ERBB4: variants seen among roughly 807,000 people sequenced by gnomAD.
ERBB4 encodes erb-b2 receptor tyrosine kinase 4, also known as receptor tyrosine-protein kinase erbB-4.
ERBB4 carries 42 observed loss-of-function variants against 158.0 expected under a neutral mutation model. The observed-to-expected ratio is 0.27, with a 90% CI of 0.21 to 0.34. The LOEUF (loss-of-function observed/expected upper bound fraction) is 0.34. Among genes scored for constraint, ERBB4 ranks in the 10% least tolerant of loss-of-function variants. The probability of loss-of-function intolerance (pLI) is 1.00; values close to 1 mark genes in which losing one functional copy is unlikely to be tolerated. For missense variants in ERBB4, 1,333 were observed against 1,624.1 expected (o/e 0.82, Z 3.08); for synonymous variants, 583 against 558.7 (o/e 1.04, Z -0.61).
intron 5 of ERBB4, among the ~76,000 whole-genome samples, chr2:211,736,891 T>G (rs1236506142): frequency 6.6e-6 from 1 of 152,158 alleles, no homozygotes; most frequent in African/African-American, 2.4e-5. Flanking sequence ...CTATAGATAT[T>G]AAAGCTTTTA....
intron 2 of ERBB4, among the ~76,000 whole-genome samples, chr2:211,973,017 A>G (rs970064830): frequency 2.0e-5 from 3 of 152,006 alleles, no homozygotes; most frequent in Admixed American, 6.6e-5. Flanking sequence ...TGCAAACTCT[A>G]TATCTGACAA....
chr2:212,105,448 T>C (rs1054811758), intron 2 of ERBB4, among the ~76,000 whole-genome samples: 12 of 152,188 alleles, frequency 7.9e-5, no homozygotes, highest in African/African-American at 2.9e-4. Flanking sequence ...TCACTCCCGT[T>C]TTCAAAGGAG....
At chr2:212,447,638 A>G (rs937074054) in intron 1 of ERBB4, among the ~76,000 whole-genome samples, 1 of 152,208 alleles carries the variant, frequency 6.6e-6, no homozygotes, top group Non-Finnish European at 1.5e-5. Context: ...GCACTATGAT[A>G]GAGGTTTAAG....
rs201476901 is a variant in ERBB4 at position 211,382,400 on chromosome 2, CCA to C, written c.*1213_*1214del. 3.4e-3 allele frequency: 784 copies of C among 232,622 alleles called. 20 individuals carry two copies. In the East Asian group the frequency reaches 0.046, roughly 14 times the overall value. 14.4% of individuals were successfully genotyped at this position (232,622 alleles called of 1,614,324 possible). A position where few individuals can be genotyped will look rare whatever the true frequency, so the allele number is the denominator to read the frequency against. On this transcript the variant is annotated 3_prime_UTR_variant, in exon 28 of 28. Coordinates refer to ENST00000342788, the MANE Select transcript of ERBB4 (RefSeq NM_005235.3). ...TCCTAATTTGCTTGGTTTGGCATTT[CCA>C]CAGTCTTTATCTTAGCTCTTTTTTT...
At chr2:211,769,013 G>T (rs1177610319) in intron 4 of ERBB4, among the ~76,000 whole-genome samples, 2 of 152,104 alleles carry the variant, frequency 1.3e-5, no homozygotes, top group African/African-American at 2.4e-5. Flanking sequence ...ATATCTTTGT[G>T]AATGCATAAA....
intron 1 of ERBB4, among the ~76,000 whole-genome samples, chr2:212,244,830 T>C (rs1270112344): frequency 2.0e-5 from 3 of 152,146 alleles, no homozygotes; most frequent in Non-Finnish European, 2.9e-5. Flanking sequence ...CCTTCCTCTA[T>C]AATAATTAAT....
At chr2:211,556,949 T>C (rs2067251608) in intron 20 of ERBB4, among the ~76,000 whole-genome samples, 1 of 151,992 alleles carries the variant, frequency 6.6e-6, no homozygotes, top group South Asian at 2.1e-4. Flanking sequence ...AACCCAGAAA[T>C]AAGGCTGCAT....
chr2:212,345,265 C>CAA lies in ERBB4; in HGVS notation c.82+193182_82+193183dup, dbSNP rs367985477. On this transcript the variant is annotated intron_variant, in intron 1 of 27. Coordinates refer to ENST00000342788, the MANE Select transcript of ERBB4 (RefSeq NM_005235.3). ...TGGGGGACAGAGCAAGACTCCGTCT[C>CAA]AAAAAAAAAAAAGCACTAAACACAT... 1.3e-4 allele frequency among the ~76,000 whole-genome samples: 10 copies of CAA among 77,720 alleles called. 2 individuals are homozygous for CAA. The highest frequency in any genetic ancestry group is 7.7e-4 in the South Asian group (2 of 2,584). The allele number at this position is 77,720 out of a possible 152,430, so 51.0% of individuals were successfully genotyped here.
intron 1 of ERBB4, among the ~76,000 whole-genome samples, chr2:212,437,394 T>A (rs1424334805): frequency 1.3e-5 from 2 of 151,908 alleles, no homozygotes; most frequent in East Asian, 3.9e-4. Context: ...ATGTAGCAAT[T>A]TTTGAGTTCT....
intron 20 of ERBB4, among the ~76,000 whole-genome samples, chr2:211,514,474 A>G (rs1028544909): frequency 6.6e-6 from 1 of 152,142 alleles, no homozygotes; most frequent in Non-Finnish European, 1.5e-5. Flanking sequence ...TTTTGAGTAT[A>G]TTCAGAAAAA....
Position 212,086,778 on chromosome 2 carries a change from A to G in ERBB4, c.234+37974T>C, listed in dbSNP as rs1559472081. Among the ~76,000 whole-genome samples, 3 of 152,096 alleles carry G rather than the reference A, an allele frequency of 2.0e-5. No individual in the cohort carries two copies. The South Asian group carries it at 6.2e-4, about 31-fold the overall frequency. On this transcript the variant is annotated intron_variant, in intron 2 of 27. Transcript: ENST00000342788. ...CGGCTTCCCCTTATCTTCCAAATCC[A>G]GAAACTGTTAGGAGAAGGGAGATCA...
chr2:211,902,169 A>G (rs1016590259), intron 3 of ERBB4, among the ~76,000 whole-genome samples: 6 of 152,134 alleles, frequency 3.9e-5, no homozygotes, highest in African/African-American at 1.4e-4. Context: ...TTCTTTGAGC[A>G]GGGATTACCC....
chr2:211,913,903 A>G (rs941856749), intron 3 of ERBB4, among the ~76,000 whole-genome samples: 1 of 151,814 alleles, frequency 6.6e-6, no homozygotes, highest in Non-Finnish European at 1.5e-5. Context: ...CAAATAAAAC[A>G]ATAGAAAATA....
At chr2:211,679,020 T>A (rs374938698) in intron 13 of ERBB4, 32 bp downstream of exon 13, 86 of 1,478,040 alleles carry the variant, frequency 5.8e-5, no homozygotes, top group Non-Finnish European at 8.0e-5. Context: ...TCAAAGCTCA[T>A]GAGGTGAAGG....
At chr2:211,599,852 T>C (rs2068748072) in intron 19 of ERBB4, among the ~76,000 whole-genome samples, 1 of 152,202 alleles carries the variant, frequency 6.6e-6, no homozygotes, top group Admixed American at 6.5e-5. Flanking sequence ...AAGAAGAATT[T>C]CACTTTTAAC....
intron 1 of ERBB4, chr2:212,125,177 C>A (rs1306732659): frequency 5.5e-6 from 2 of 363,082 alleles, no homozygotes; most frequent in Non-Finnish European, 1.0e-5. Flanking sequence ...TTGTTATGAC[C>A]ATATAAAGCA....
chr2:211,648,259 A>AC (rs1056087329), intron 16 of ERBB4, among the ~76,000 whole-genome samples: 3 of 151,646 alleles, frequency 2.0e-5, no homozygotes, highest in Admixed American at 2.0e-4. Context: ...GTTACTCAGG[A>AC]CAAAAACCCA....
In ERBB4 at chr2:212,349,224, G is replaced by A. The variant is rs1241943582; in HGVS notation, c.82+189225C>T. On this transcript the variant is annotated intron_variant, in intron 1 of 27. Transcript: ENST00000342788. ...CTGGGCTGTTAATCACTAGTCACATGTGGTATCTAAATTCAAATTTAAGTT... is the reference window on the plus strand; with the variant it reads ...CTGGGCTGTTAATCACTAGTCACATATGGTATCTAAATTCAAATTTAAGTT... Among the ~76,000 whole-genome samples, 5 of 151,672 alleles carry A rather than the reference G, an allele frequency of 3.3e-5. No homozygotes were observed. The East Asian group carries it at 9.7e-4, about 29-fold the overall frequency.
chr2:212,356,279 T>C (rs1325119026), intron 1 of ERBB4, among the ~76,000 whole-genome samples: 1 of 151,550 alleles, frequency 6.6e-6, no homozygotes, highest in Non-Finnish European at 1.5e-5. Flanking sequence ...ATTACAAATA[T>C]GTTTTCACAG....
Sources: allele counts gnomAD v4.1 joint callset (sites outside exome capture counted in the v4.1 genomes callset), GRCh38; gene constraint gnomAD v4.1.1; transcripts MANE v1.5; gene names NCBI Gene and HGNC (gene_info 2026-07-23, HGNC 2026-07-21).